Variants in OTOGL observed in about 807,000 individuals in gnomAD.
OTOGL encodes the protein otogelin-like protein.
OTOGL carries 285 observed loss-of-function variants against 318.5 expected under a neutral mutation model. The ratio of observed to expected loss-of-function variants is 0.89; its 90% confidence interval spans 0.81 to 0.99. The LOEUF is 0.99. OTOGL is among the 50% of genes least tolerant of loss of function. The pLI is 0.00. For missense variants in OTOGL, 2,899 were observed against 2,845.6 expected (o/e 1.02, Z -0.43); for synonymous variants, 987 against 936.5 (o/e 1.05, Z -0.99).
intron 37 of OTOGL, among the ~76,000 whole-genome samples, chr12:80,331,333 A>ATTTTTTTTTTTTTTTTTTTTTTTTTTTTT (rs386377119): frequency 1.2e-5 from 1 of 81,818 alleles, no homozygotes; most frequent in Non-Finnish European, 2.2e-5. Flanking sequence ...AGTCATTAGA[A>ATTTTTTTTTTTTTTTTTTTTTTTTTTTTT]TTTTTTTTTT....
At chr12:80,162,469 C>G (rs1451402087) in intron 1 of OTOGL, among the ~76,000 whole-genome samples, 1 of 152,054 alleles carries the variant, frequency 6.6e-6, no homozygotes, top group Non-Finnish European at 1.5e-5. Flanking sequence ...TAAGAAAATA[C>G]CACAAACTGA....
chr12:80,127,058 T>G (rs183404487), intron 1 of OTOGL, among the ~76,000 whole-genome samples: 1 of 152,358 alleles, frequency 6.6e-6, no homozygotes, highest in East Asian at 1.9e-4. Context: ...GTTGATATTG[T>G]TATGTGTGAA....
chr12:80,355,678 G>T, intron 46 of OTOGL, 58 bp from the exon 47 acceptor site: 1 of 1,403,834 alleles, frequency 7.1e-7, no homozygotes, highest in East Asian at 2.4e-5. Context: ...AAACATGGTG[G>T]CATGATTTAT....
chr12:80,116,482 G>A (rs1346064019), intron 1 of OTOGL, among the ~76,000 whole-genome samples: 1 of 152,064 alleles, frequency 6.6e-6, no homozygotes, highest in Non-Finnish European at 1.5e-5. Context: ...GCATATAGGA[G>A]CTGTTCCTAT....
intron 7 of OTOGL, among the ~76,000 whole-genome samples, chr12:80,223,273 G>GTATATATATA (rs543619941): frequency 6.6e-6 from 1 of 150,984 alleles, no homozygotes; most frequent in Admixed American, 6.6e-5. Flanking sequence ...GTATATATAT[G>GTATATATATA]TATATATATA....
At position 80,336,912 on chromosome 12, in the gene OTOGL, G is replaced by T. The variant is rs1045799821; in HGVS notation, c.4768G>T (p.Ala1590Ser). 1.9e-6 allele frequency: 3 copies of T among 1,577,414 alleles called. No homozygotes were observed. The highest frequency in any genetic ancestry group is 2.7e-5 in the African/African-American group (2 of 73,876). Reference sequence around the variant, plus strand: ...AAGTTTTAATTTTTTTCAAATTAAGGCTCCCTCTGGAAGAATCTCTGGACT... The same window carrying T: ...AAGTTTTAATTTTTTTCAAATTAAGTCTCCCTCTGGAAGAATCTCTGGACT... ...NQNGNSLKKL[A>S]PSGRISGLCF... Residue 1590 changes from alanine to serine, a missense_variant and splice_region_variant, in exon 42 of 59, where the codon GCT becomes TCT. Ala to Ser is a moderately conservative substitution (Grantham distance 99). Coordinates refer to ENST00000547103, the MANE Select transcript of OTOGL (RefSeq NM_001378609.3).
chr12:80,157,422 T>C (rs1297310677), intron 1 of OTOGL, among the ~76,000 whole-genome samples: 3 of 152,152 alleles, frequency 2.0e-5, no homozygotes, highest in African/African-American at 7.2e-5. Context: ...CAGAAGCTTT[T>C]TAACTCGAGA....
intron 1 of OTOGL, among the ~76,000 whole-genome samples, chr12:80,198,343 T>C (rs77296127): frequency 0.037 from 5,592 of 152,206 alleles, 350 homozygotes; most frequent in African/African-American, 0.13. Context: ...ATCCCAGCAT[T>C]TGGGGGGCCG....
At chr12:80,263,227 C>T (rs1222191048) in intron 19 of OTOGL, among the ~76,000 whole-genome samples, 1 of 152,068 alleles carries the variant, frequency 6.6e-6, no homozygotes, top group Non-Finnish European at 1.5e-5. Context: ...TTTAACAATA[C>T]CTTCCTCCAT....
intron 2 of OTOGL, among the ~76,000 whole-genome samples, chr12:80,210,072 A>G (rs925343545): frequency 3.3e-5 from 5 of 151,984 alleles, no homozygotes; most frequent in Non-Finnish European, 7.4e-5. Context: ...TTTTCTTGCT[A>G]TTTGATTTTT....
Position 80,352,319 on chromosome 12 carries a change from A to G in OTOGL, c.5290A>G (p.Lys1764Glu). The G allele has an allele frequency of 6.8e-6, 11 of 1,608,952 alleles. No individual in the cohort carries two copies. Among genetic ancestry groups the G allele is most frequent in the Non-Finnish European group, 9.3e-6 (11 of 1,178,592 alleles). Residue 1764 changes from lysine (K) to glutamate (E), a missense_variant, in exon 45 of 59, where the codon AAG becomes GAG. Physicochemically the swap from Lys to Glu is moderately conservative, Grantham distance 56 (BLOSUM62 1). Around this residue, in one of 3 missense-constraint regions of OTOGL, gnomAD observed 2,607 missense variants for 2,524.9 expected, o/e 1.03. Transcript: ENST00000547103. ...GGTTTCACCGGAAGACTTTTGTGAA[A>G]AGATGTGGATCAATTATACCTATTT... is the stretch of plus-strand genomic sequence containing the variant. ...DKVSPEDFCEKMWINYTYFWN... is the reference protein window; with the variant it reads ...DKVSPEDFCEEMWINYTYFWN...
intron 5 of OTOGL, among the ~76,000 whole-genome samples, chr12:80,219,521 C>CAG (rs1161599816): frequency 6.6e-6 from 1 of 152,204 alleles, no homozygotes; most frequent in Non-Finnish European, 1.5e-5. Context: ...TCATCTGGGA[C>CAG]AGAGATTCCT....
chr12:80,185,564 C>T (rs552375424), intron 1 of OTOGL, among the ~76,000 whole-genome samples: 42 of 152,198 alleles, frequency 2.8e-4, no homozygotes, highest in Non-Finnish European at 5.0e-4. Context: ...ACTGGTATTA[C>T]AGGTGTGAGC....
chr12:80,326,725 A>G (rs975002976), intron 35 of OTOGL, among the ~76,000 whole-genome samples: 1 of 152,228 alleles, frequency 6.6e-6, no homozygotes, highest in Non-Finnish European at 1.5e-5. Flanking sequence ...ATAATTAGTT[A>G]TATAAGCTAA....
intron 9 of OTOGL, 140 bp from the exon 10 acceptor site, chr12:80,238,711 A>G: frequency 9.2e-7 from 1 of 1,086,956 alleles, no homozygotes; most frequent in South Asian, 3.5e-5. Flanking sequence ...GTTATTATCT[A>G]ATATCACATT....
chr12:80,218,713 G>A (rs1295951371), intron 5 of OTOGL, among the ~76,000 whole-genome samples: 2 of 150,428 alleles, frequency 1.3e-5, no homozygotes, highest in Non-Finnish European at 3.0e-5. Flanking sequence ...ATGAAAGAAA[G>A]AATATTTTTG....
chr12:80,293,249 T>A (rs11829889), intron 26 of OTOGL, among the ~76,000 whole-genome samples: 2,901 of 152,274 alleles, frequency 0.019, 88 homozygotes, highest in African/African-American at 0.065. Context: ...TTACTATCTC[T>A]TAATATTACA....
chr12:80,309,069 A>G (rs1447018806), intron 29 of OTOGL, among the ~76,000 whole-genome samples: 1 of 152,132 alleles, frequency 6.6e-6, no homozygotes, highest in Non-Finnish European at 1.5e-5. Flanking sequence ...ATAATTTTAA[A>G]CCGCCTCAAA....
chr12:80,153,975 T>C (rs1872954252), intron 1 of OTOGL, among the ~76,000 whole-genome samples: 1 of 152,216 alleles, frequency 6.6e-6, no homozygotes, highest in South Asian at 2.1e-4. Flanking sequence ...TTAGGTCTCA[T>C]ATATGACTTT....
Sources: allele counts gnomAD v4.1 joint callset (sites outside exome capture counted in the v4.1 genomes callset), GRCh38; gene constraint gnomAD v4.1.1; regional missense constraint gnomAD v4.1.1; transcripts MANE v1.5; gene names NCBI Gene and HGNC (gene_info 2026-07-23, HGNC 2026-07-21).